The following PTPN1 variants were observed in gnomAD, a reference collection of about 807,000 sequenced individuals.
The protein encoded by PTPN1 is tyrosine-protein phosphatase non-receptor type 1.
A neutral mutation model predicts 59.9 loss-of-function variants in PTPN1; 12 were observed. The observed-to-expected ratio is 0.20, with a 90% CI of 0.13 to 0.32. The LOEUF (loss-of-function observed/expected upper bound fraction) is 0.32. Ranked by LOEUF, PTPN1 falls within the 10% of genes least tolerant of loss-of-function variation. PTPN1 has a pLI of 1.00. For synonymous variants in PTPN1, 178 were observed against 203.6 expected, an observed-to-expected ratio of 0.87 and a Z score of 1.07; for missense variants, 356 against 549.2, an observed-to-expected ratio of 0.65 and a Z score of 3.52.
At chr20:50,528,835 G>A (rs750484892) in intron 1 of PTPN1, among the ~76,000 whole-genome samples, 5 of 152,044 alleles carry the variant, frequency 3.3e-5, no homozygotes, top group Non-Finnish European at 7.4e-5. Flanking sequence ...ATTGGAAACC[G>A]TGATTGCTAG....
At chr20:50,556,442 C>T (rs377448451) in intron 1 of PTPN1, among the ~76,000 whole-genome samples, 11 of 152,086 alleles carry the variant, frequency 7.2e-5, no homozygotes, top group African/African-American at 1.9e-4. Flanking sequence ...CCTCCCACCT[C>T]GGCTCCCAAA....
intron 1 of PTPN1, among the ~76,000 whole-genome samples, chr20:50,550,303 C>A (rs113967701): frequency 6.3e-4 from 96 of 152,304 alleles, no homozygotes; most frequent in African/African-American, 2.3e-3. Context: ...TCCGGGAGAT[C>A]TTAGAAGATG....
At chr20:50,555,240 C>A (rs954146728) in intron 1 of PTPN1, among the ~76,000 whole-genome samples, 1 of 152,040 alleles carries the variant, frequency 6.6e-6, no homozygotes, top group Non-Finnish European at 1.5e-5. Context: ...AAAAGACATA[C>A]AAATTAACAG....
At position 50,581,418 on chromosome 20, in the gene PTPN1, C is replaced by T. The variant is rs74607837; in HGVS notation, c.1242C>T (p.Cys414=). 2.8e-3 allele frequency: 4,567 copies of T among 1,613,624 alleles called. 109 individuals carry two copies. The African/African-American group carries it at 0.05, about 18-fold the overall frequency. Residue 414 remains cysteine (C), a synonymous_variant, in exon 9 of 10, where the codon TGC becomes TGT. Transcript: ENST00000371621. ...SYWKPFLVNM[C]VATVLTAGAY... ...GGAAGCCCTTCCTGGTCAACATGTGCGTGGCTACGGTCCTCACGGCCGGCG... is the reference window on the plus strand; with the variant it reads ...GGAAGCCCTTCCTGGTCAACATGTGTGTGGCTACGGTCCTCACGGCCGGCG...
rs892987847 is a variant in PTPN1 at position 50,584,737 on chromosome 20, TA to T, written c.*2026del. The stretch of plus-strand genomic sequence containing the variant: ...TGGGTTTGCATTTTAGCTGCAACAA[TA>T]AAATTTTTTTCTAAAGAACATGAAT... On this transcript the variant is annotated 3_prime_UTR_variant, in exon 10 of 10. Coordinates refer to ENST00000371621, the MANE Select transcript of PTPN1 (RefSeq NM_002827.4). The T allele has an allele frequency of 1.3e-5, 2 of 152,168 alleles. No homozygotes were observed. The highest frequency in any genetic ancestry group is 4.8e-5 in the African/African-American group (2 of 41,430). 9.4% of individuals were successfully genotyped at this position (152,168 alleles called of 1,614,324 possible). A position where few individuals can be genotyped will look rare whatever the true frequency, so the allele number is the denominator to read the frequency against.
intron 5 of PTPN1, 119 bp from the exon 6 acceptor site, chr20:50,578,301 T>G: frequency 5.5e-6 from 5 of 917,142 alleles, no homozygotes; most frequent in Non-Finnish European, 8.5e-6. Flanking sequence ...GGAGAAAGTC[T>G]GAGAATGAAT....
At chr20:50,575,121 C>T (rs745394157) in intron 5 of PTPN1, 16 of 155,290 alleles carry the variant, frequency 1.0e-4, no homozygotes, top group Non-Finnish European at 7.1e-5. Flanking sequence ...GTTTATAACA[C>T]CAGCTACTTG....
intron 3 of PTPN1, among the ~76,000 whole-genome samples, chr20:50,565,301 G>A (rs574537088): frequency 6.6e-6 from 1 of 152,334 alleles, no homozygotes; most frequent in African/African-American, 2.4e-5. Flanking sequence ...AGAGCTTATA[G>A]AAAACAACAT....
At chr20:50,554,741 G>A (rs2082718772) in intron 1 of PTPN1, among the ~76,000 whole-genome samples, 1 of 152,064 alleles carries the variant, frequency 6.6e-6, no homozygotes, top group African/African-American at 2.4e-5. Context: ...TTTGAAAGTA[G>A]ACCATCGTGA....
rs958004792 is a variant in PTPN1, at chr20:50,568,734, C to T, written c.354+256C>T. Among the ~76,000 whole-genome samples, 2 of 152,224 alleles carry T rather than the reference C, an allele frequency of 1.3e-5. No homozygotes were observed. The highest frequency in any genetic ancestry group is 4.8e-5 in the African/African-American group (2 of 41,448). On this transcript the variant is annotated intron_variant, in intron 4 of 9. Coordinates refer to ENST00000371621, the MANE Select transcript of PTPN1 (RefSeq NM_002827.4). This position sits in a 1 kb window ranked among gnomAD's most constrained non-coding sequence, Gnocchi z 5.6. ...GCCTTCTCCTGTGTGGTGCGTGTGG[C>T]GCTCCGCCCACCTGTGCTGCCTGTG... is the stretch of plus-strand genomic sequence containing the variant.
chr20:50,524,569 C>CTTTTTTTTTTTTTTTTT lies in PTPN1; in HGVS notation c.63+13988_63+14004dup. ...TGGCTGGTTTATCCCATTATGTGGT[C>CTTTTTTTTTTTTTTTTT]TTTTTTTTTTTTTTTTTTTTTTTTT... On this transcript the variant is annotated intron_variant, in intron 1 of 9. Transcript: ENST00000371621. 1.5e-3 allele frequency among the ~76,000 whole-genome samples: 69 copies of CTTTTTTTTTTTTTTTTT among 45,790 alleles called. 19 individuals are homozygous for CTTTTTTTTTTTTTTTTT. Among genetic ancestry groups the CTTTTTTTTTTTTTTTTT allele is most frequent in the African/African-American group, 2.7e-3 (24 of 8,780 alleles). 30.0% of individuals were successfully genotyped at this position (45,790 alleles called of 152,430 possible).
At chr20:50,533,348 A>C (rs1488731168) in intron 1 of PTPN1, among the ~76,000 whole-genome samples, 1 of 152,162 alleles carries the variant, frequency 6.6e-6, no homozygotes, top group African/African-American at 2.4e-5. Context: ...TTTTCAGATA[A>C]GACCTTTTCA....
In PTPN1 at chr20:50,553,580, G is replaced by A. The variant is rs148781493; in HGVS notation, c.64-7783G>A. On this transcript the variant is annotated intron_variant, in intron 1 of 9. Transcript: ENST00000371621. ...GAGAGACAGACCTCTGTAATACGTA[G>A]GATATTTGGTAGAAACATTCAACCG... Among the ~76,000 whole-genome samples the A allele has an allele frequency of 4.6e-3, 707 of 152,248 alleles. 6 individuals carry two copies. The highest frequency in any genetic ancestry group is 0.016 in the African/African-American group (656 of 41,538).
At chr20:50,523,703 T>A (rs943192534) in intron 1 of PTPN1, among the ~76,000 whole-genome samples, 2 of 152,206 alleles carry the variant, frequency 1.3e-5, no homozygotes, top group Non-Finnish European at 2.9e-5. Context: ...AGTGGCTGAA[T>A]AAAGATAATC....
rs529411126 is a variant in PTPN1 at position 50,539,241 on chromosome 20, G to A, written c.64-22122G>A. On this transcript the variant is annotated intron_variant, in intron 1 of 9. Transcript: ENST00000371621. ...GTAGAGACAAGGTTTCTTCCATGTT[G>A]GCCAGGCTGGTCTCAAACTCCCGAC... Among the ~76,000 whole-genome samples the A allele has an allele frequency of 1.8e-3, 273 of 151,946 alleles. 1 individual carries two copies. Among genetic ancestry groups the A allele is most frequent in the African/African-American group, 6.4e-3 (267 of 41,452 alleles).
chr20:50,532,705 T>G (rs2082606632), intron 1 of PTPN1, among the ~76,000 whole-genome samples: 1 of 152,298 alleles, frequency 6.6e-6, no homozygotes, highest in South Asian at 2.1e-4. Flanking sequence ...CTGGGCTCCA[T>G]GTGGATGATG....
chr20:50,518,061 CTT>C (rs1293883476), intron 1 of PTPN1, among the ~76,000 whole-genome samples: 1 of 152,172 alleles, frequency 6.6e-6, no homozygotes, highest in African/African-American at 2.4e-5. Context: ...AAGGAAAACT[CTT>C]CCCTTGTCTC....
At chr20:50,564,077 AAAAC>A (rs929519327) in intron 2 of PTPN1, among the ~76,000 whole-genome samples, 27 of 152,294 alleles carry the variant, frequency 1.8e-4, no homozygotes, top group African/African-American at 5.5e-4. Flanking sequence ...TTAAAAAAAA[AAAAC>A]AAAAACCTCG....
intron 1 of PTPN1, among the ~76,000 whole-genome samples, chr20:50,544,905 C>T (rs1290978775): frequency 6.6e-6 from 1 of 152,082 alleles, no homozygotes; most frequent in Non-Finnish European, 1.5e-5. Flanking sequence ...ACTTGGAAGG[C>T]TGAGGCATGA....
Sources: gnomAD v4.1 joint callset for allele counts (sites outside exome capture counted in the v4.1 genomes callset) on GRCh38, gnomAD v4.1.1 for gene constraint, Gnocchi (gnomAD v3.1) non-coding constraint, MANE v1.5 for transcripts, NCBI Gene and HGNC (gene_info 2026-07-23, HGNC 2026-07-21) for gene names.